Variants in DAB1 observed in about 807,000 individuals in gnomAD.
DAB1 encodes the protein DAB adaptor protein 1.
In DAB1, 15 loss-of-function variants were observed where a neutral mutation model predicts 64.6. The observed-to-expected ratio is 0.23, with a 90% CI of 0.16 to 0.36. The LOEUF (loss-of-function observed/expected upper bound fraction) is 0.36, where lower values mean the gene tolerates loss of function less well. Among genes scored for constraint, DAB1 ranks in the 10% least tolerant of loss-of-function variants. DAB1 has a pLI of 1.00. For synonymous variants in DAB1, 235 were observed against 251.9 expected (o/e 0.93, Z 0.64); for missense variants, 596 against 706.7 (o/e 0.84, Z 1.78).
chr1:58,013,637 T>A (rs1646700090), intron 5 of DAB1, among the ~76,000 whole-genome samples: 1 of 152,188 alleles, frequency 6.6e-6, no homozygotes, highest in African/African-American at 2.4e-5. Flanking sequence ...TGGAGGGTTG[T>A]TTCCCCCTCA....
At chr1:57,760,155 T>A (rs748312692) in intron 6 of DAB1, among the ~76,000 whole-genome samples, 3 of 152,024 alleles carry the variant, frequency 2.0e-5, no homozygotes, top group Non-Finnish European at 2.9e-5. Flanking sequence ...AGGGGTGCCA[T>A]GATATTTGAG....
chr1:58,409,445 T>C (rs1557751888), intron 3 of DAB1, among the ~76,000 whole-genome samples: 1 of 152,136 alleles, frequency 6.6e-6, no homozygotes, highest in Non-Finnish European at 1.5e-5. Context: ...CAGCTTTAGG[T>C]AAGGAAACAC....
intron 6 of DAB1, among the ~76,000 whole-genome samples, chr1:57,812,278 A>G (rs1386804154): frequency 6.7e-6 from 1 of 148,500 alleles, no homozygotes; most frequent in Non-Finnish European, 1.5e-5. Flanking sequence ...CTTTCCAGCC[A>G]CCCAAGTCCC....
intron 7 of DAB1, among the ~76,000 whole-genome samples, chr1:57,622,323 T>C (rs1645869741): frequency 6.6e-6 from 1 of 152,150 alleles, no homozygotes; most frequent in Non-Finnish European, 1.5e-5. Context: ...ATTACCCCAC[T>C]CACACAGAAA....
chr1:58,490,854 G>A (rs1645672283), intron 3 of DAB1, among the ~76,000 whole-genome samples: 1 of 130,452 alleles, frequency 7.7e-6, no homozygotes, highest in South Asian at 2.6e-4. Flanking sequence ...CGCCCAGGCT[G>A]GAGTGCAGTG....
Position 58,362,792 on chromosome 1 carries a change from T to A in DAB1, n.258-19389A>T, listed in dbSNP as rs1483972771. Reference sequence around the variant, plus strand: ...TCATTTGCCAGTGAGAAAACTGCAGTCCAAGGAGGGGATAGAGTTTGCCCA... The same window carrying A: ...TCATTTGCCAGTGAGAAAACTGCAGACCAAGGAGGGGATAGAGTTTGCCCA... On this transcript the variant is annotated intron_variant and non_coding_transcript_variant, in intron 3 of 20. Coordinates refer to the DAB1 transcript ENST00000485760. Among the ~76,000 whole-genome samples the A allele has an allele frequency of 1.4e-4, 21 of 152,150 alleles. 1 individual carries two copies. Among genetic ancestry groups the A allele is most frequent in the Admixed American group, 1.4e-3 (21 of 15,280 alleles).
chr1:57,489,121 A>T (rs1261411258), intron 7 of DAB1, among the ~76,000 whole-genome samples: 1 of 152,216 alleles, frequency 6.6e-6, no homozygotes, highest in Middle Eastern at 3.2e-3. Flanking sequence ...TGTCAGGATA[A>T]GCTGCCTCTT....
intron 3 of DAB1, among the ~76,000 whole-genome samples, chr1:58,376,211 C>T (rs1274157270): frequency 1.4e-5 from 2 of 147,076 alleles, no homozygotes; most frequent in African/African-American, 2.5e-5. Context: ...TATTTCTTGC[C>T]TTCTGCTAGC....
At chr1:58,473,150 T>C (rs1222878951) in intron 3 of DAB1, among the ~76,000 whole-genome samples, 1 of 152,158 alleles carries the variant, frequency 6.6e-6, no homozygotes, top group East Asian at 1.9e-4. Flanking sequence ...CAAATAGCAT[T>C]TCATCTGAGA....
intron 3 of DAB1, among the ~76,000 whole-genome samples, chr1:58,493,739 T>C (rs1366507348): frequency 6.6e-6 from 1 of 151,782 alleles, no homozygotes; most frequent in Non-Finnish European, 1.5e-5. Flanking sequence ...CAAGGAGAAC[T>C]ACAAACCACT....
intron 5 of DAB1, among the ~76,000 whole-genome samples, chr1:58,129,127 A>G (rs984990227): frequency 4.0e-5 from 6 of 150,634 alleles, no homozygotes; most frequent in African/African-American, 9.8e-5. Flanking sequence ...TATTGCCACA[A>G]TTTCAGATCC....
intron 4 of DAB1, among the ~76,000 whole-genome samples, chr1:58,290,379 T>C (rs1048141988): frequency 2.6e-5 from 4 of 152,238 alleles, no homozygotes; most frequent in Non-Finnish European, 1.5e-5. Context: ...ATGAACAGTA[T>C]GAGCAAGTCA....
intron 4 of DAB1, among the ~76,000 whole-genome samples, chr1:58,218,662 T>C (rs888552372): frequency 6.6e-6 from 1 of 152,072 alleles, no homozygotes; most frequent in Non-Finnish European, 1.5e-5. Flanking sequence ...TATTGTCTGG[T>C]TAGGGGAGAA....
At chr1:57,305,312 G>A (rs1674041463) in intron 1 of DAB1, among the ~76,000 whole-genome samples, 1 of 152,192 alleles carries the variant, frequency 6.6e-6, no homozygotes, top group Non-Finnish European at 1.5e-5. Flanking sequence ...CCCAAGGCCA[G>A]CTAGCAGGGA....
At chr1:58,474,970 C>T (rs758457414) in intron 3 of DAB1, among the ~76,000 whole-genome samples, 2 of 152,130 alleles carry the variant, frequency 1.3e-5, no homozygotes, top group Non-Finnish European at 2.9e-5. Context: ...TAGAATCTTG[C>T]CTTAATAGGG....
At chr1:58,006,581 T>C (rs1420720031) in intron 5 of DAB1, among the ~76,000 whole-genome samples, 2 of 152,162 alleles carry the variant, frequency 1.3e-5, no homozygotes, top group Non-Finnish European at 2.9e-5. Context: ...TCTTGACTTT[T>C]CAATGTTCAA....
At chr1:57,558,947 G>A (rs1375864459) in intron 7 of DAB1, among the ~76,000 whole-genome samples, 1 of 152,160 alleles carries the variant, frequency 6.6e-6, no homozygotes, top group African/African-American at 2.4e-5. Flanking sequence ...GCAGCACCTG[G>A]ATCTTTGAAG....
intron 1 of DAB1, among the ~76,000 whole-genome samples, chr1:57,370,131 T>C (rs938951325): frequency 6.6e-6 from 1 of 152,186 alleles, no homozygotes; most frequent in Non-Finnish European, 1.5e-5. Context: ...TGCTGTACTC[T>C]ACAGGCATTG....
chr1:57,372,412 C>G (rs1364460625), intron 1 of DAB1, among the ~76,000 whole-genome samples: 1 of 152,172 alleles, frequency 6.6e-6, no homozygotes, highest in African/African-American at 2.4e-5. Context: ...TTCAGGAAAG[C>G]TGTAACTCAG....
Sources: gnomAD v4.1 joint callset for allele counts (sites outside exome capture counted in the v4.1 genomes callset) on GRCh38, gnomAD v4.1.1 for gene constraint, MANE v1.5 for transcripts, NCBI Gene and HGNC (gene_info 2026-07-23, HGNC 2026-07-21) for gene names.